LRFN5: variants seen among roughly 807,000 people sequenced by gnomAD.
LRFN5 encodes leucine rich repeat and fibronectin type III domain containing 5.
Under a neutral mutation model 45.6 loss-of-function variants are expected in LRFN5, and 24 were observed. The ratio of observed to expected loss-of-function variants is 0.53; its 90% confidence interval spans 0.38 to 0.74. The LOEUF (loss-of-function observed/expected upper bound fraction) is 0.74. LRFN5 is among the 30% of genes least tolerant of loss of function. LRFN5 has a pLI of 0.00. For synonymous variants in LRFN5, 340 were observed against 313.8 expected (o/e 1.08, Z -0.88); for missense variants, 776 against 861.5 (o/e 0.90, Z 1.24).
Position 41,657,928 on chromosome 14 carries a change from AG to A in LRFN5, c.-197+49367del, listed in dbSNP as rs779230998. Among the ~76,000 whole-genome samples the A allele has an allele frequency of 8.9e-3, 1,343 of 151,686 alleles. 6 individuals carry two copies. The highest frequency in any genetic ancestry group is 0.014 in the East Asian group (73 of 5,144). On this transcript the variant is annotated intron_variant, in intron 1 of 5. Transcript: ENST00000298119. ...TGTTGAAAACCAGCTTGGGAGAAAA[AG>A]AAAAAAAAAAAACCTCTGACCTATG...
intron 3 of LRFN5, among the ~76,000 whole-genome samples, chr14:41,889,097 T>A (rs1220340304): frequency 2.2e-5 from 2 of 92,354 alleles, no homozygotes; most frequent in African/African-American, 8.0e-5. Context: ...TATATATATG[T>A]CTATATATAT....
chr14:41,676,430 C>A (rs1203216797), intron 1 of LRFN5, among the ~76,000 whole-genome samples: 1 of 152,172 alleles, frequency 6.6e-6, no homozygotes, highest in African/African-American at 2.4e-5. Flanking sequence ...GTGGAGAACT[C>A]CTTACCTAAG....
intron 1 of LRFN5, among the ~76,000 whole-genome samples, chr14:41,739,729 A>G (rs1884608489): frequency 6.6e-6 from 1 of 151,878 alleles, no homozygotes; most frequent in Admixed American, 6.6e-5. Flanking sequence ...AGAAATAAGC[A>G]AAATAGAGAC....
chr14:41,797,121 T>C (rs564833708), intron 2 of LRFN5, among the ~76,000 whole-genome samples: 120 of 152,020 alleles, frequency 7.9e-4, no homozygotes, highest in Middle Eastern at 3.4e-3. Flanking sequence ...ATTTTAGTGA[T>C]TTTTAATGTC....
At chr14:41,764,788 GCAGAATACATATATATGATTATATA>G (rs1885809526) in intron 1 of LRFN5, among the ~76,000 whole-genome samples, 1 of 40,982 alleles carries the variant, frequency 2.4e-5, no homozygotes, top group Non-Finnish European at 4.4e-5. Flanking sequence ...TAACATGTGT[GCAGAATACATATATATGATTATATA>G]TGCAGAATAC....
chr14:41,633,035 T>G (rs1394132519), intron 1 of LRFN5, among the ~76,000 whole-genome samples: 1 of 152,146 alleles, frequency 6.6e-6, no homozygotes, highest in Admixed American at 6.5e-5. Flanking sequence ...ACAAATAATT[T>G]AGACCCTATG....
chr14:41,778,359 T>TG (rs771956439), intron 2 of LRFN5, among the ~76,000 whole-genome samples: 10 of 151,704 alleles, frequency 6.6e-5, no homozygotes, highest in Non-Finnish European at 1.0e-4. Flanking sequence ...TTTGTGTAAT[T>TG]GGCTTATCTT....
At chr14:41,801,916 C>T (rs1887349013) in intron 2 of LRFN5, among the ~76,000 whole-genome samples, 2 of 151,916 alleles carry the variant, frequency 1.3e-5, no homozygotes, top group African/African-American at 4.8e-5. Flanking sequence ...GGGGTGTTCA[C>T]AAGGAACTGG....
At chr14:41,788,683 C>T (rs1476187614) in intron 2 of LRFN5, among the ~76,000 whole-genome samples, 2 of 152,004 alleles carry the variant, frequency 1.3e-5, no homozygotes, top group African/African-American at 4.8e-5. Flanking sequence ...TACTAACTAG[C>T]CTTTATCTAC....
intron 2 of LRFN5, among the ~76,000 whole-genome samples, chr14:41,839,377 G>T (rs1013443567): frequency 6.6e-6 from 1 of 151,966 alleles, no homozygotes; most frequent in Admixed American, 6.6e-5. Context: ...AACATTGTTG[G>T]TATTCAGAAA....
Position 41,886,980 on chromosome 14 carries a change from T to C in LRFN5, c.355T>C (p.Phe119Leu), listed in dbSNP as rs1424345098. 1 of 1,614,150 alleles carries C rather than the reference T, an allele frequency of 6.2e-7. No homozygotes were observed. Among genetic ancestry groups the C allele is most frequent in the South Asian group, 1.1e-5 (1 of 91,082 alleles). ...ATTGACTAAAATTACAAATGATATGTTCAGTGGTCTTTCCAATCTTCATCA... is the reference window on the plus strand; with the variant it reads ...ATTGACTAAAATTACAAATGATATGCTCAGTGGTCTTTCCAATCTTCATCA... The part of the protein sequence containing the change: ...NRLTKITNDM[F>L]SGLSNLHHLI... The change falls in exon 3 of 6, where the codon TTC (phenylalanine) becomes CTC (leucine). Residue 119 changes from phenylalanine to leucine, a missense_variant. This residue lies in a region of LRFN5 where 311 missense variants were observed against 405.1 expected (regional missense o/e 0.77). Transcript: ENST00000298119.
intron 1 of LRFN5, among the ~76,000 whole-genome samples, chr14:41,765,199 G>A (rs1394520545): frequency 6.6e-6 from 1 of 151,968 alleles, no homozygotes; most frequent in Admixed American, 6.6e-5. Context: ...AAAATTAGCC[G>A]GGCGTAGTGG....
At position 41,712,307 on chromosome 14, in the gene LRFN5, A is replaced by C. The variant is rs184217061; in HGVS notation, c.-196-54547A>C. ...CCAGGCGCAGTGGCTTACACCTATA[A>C]TCCCAGCACTTTGGGAGGCTAAGGT... On this transcript the variant is annotated intron_variant, in intron 1 of 5. Coordinates refer to ENST00000298119, the MANE Select transcript of LRFN5 (RefSeq NM_152447.5). Among the ~76,000 whole-genome samples, 5 of 152,180 alleles carry C rather than the reference A, an allele frequency of 3.3e-5. No homozygotes were observed. In the South Asian group the frequency reaches 1.0e-3, roughly 31 times the overall value.
intron 1 of LRFN5, among the ~76,000 whole-genome samples, chr14:41,679,306 C>T (rs1881780228): frequency 6.6e-6 from 1 of 152,052 alleles, no homozygotes; most frequent in East Asian, 1.9e-4. Context: ...ACACCACTTT[C>T]CTAACACCAG....
At chr14:41,807,300 T>C (rs181194730) in intron 2 of LRFN5, among the ~76,000 whole-genome samples, 2 of 152,228 alleles carry the variant, frequency 1.3e-5, no homozygotes, top group African/African-American at 4.8e-5. Context: ...CATAATATGA[T>C]CGTTTTGTAT....
chr14:41,795,860 G>T (rs1464921732), intron 2 of LRFN5, among the ~76,000 whole-genome samples: 4 of 151,894 alleles, frequency 2.6e-5, no homozygotes, highest in African/African-American at 4.8e-5. Flanking sequence ...CACCAACATG[G>T]CACATGTATA....
At chr14:41,899,032 GTAAT>G in intron 5 of LRFN5, 72 bp downstream of exon 5, 2 of 1,218,894 alleles carry the variant, frequency 1.6e-6, no homozygotes, top group Non-Finnish European at 2.3e-6. Context: ...TTAACTTTAA[GTAAT>G]TAGTTTGCTA....
intron 2 of LRFN5, among the ~76,000 whole-genome samples, chr14:41,876,470 G>A: frequency 1.5e-5 from 2 of 129,624 alleles, no homozygotes; most frequent in Middle Eastern, 8.2e-3. Context: ...TCTTTTTCTT[G>A]TATTTTTAGT....
chr14:41,804,391 A>G (rs1176821082), intron 2 of LRFN5, among the ~76,000 whole-genome samples: 1 of 152,114 alleles, frequency 6.6e-6, no homozygotes, highest in Non-Finnish European at 1.5e-5. Flanking sequence ...GAAATGCAAA[A>G]GCCTGAAAAG....
Sources: gnomAD v4.1 joint callset for allele counts (sites outside exome capture counted in the v4.1 genomes callset) on GRCh38, gnomAD v4.1.1 for gene constraint, gnomAD v4.1.1 regional missense constraint, MANE v1.5 for transcripts, NCBI Gene and HGNC (gene_info 2026-07-23, HGNC 2026-07-21) for gene names.